PIGN: variants seen among roughly 807,000 people sequenced by gnomAD.
PIGN encodes GPI ethanolamine phosphate transferase 1.
PIGN carries 117 observed loss-of-function variants against 125.4 expected under a neutral mutation model. That is an observed-to-expected ratio of 0.93 (90% CI 0.80 to 1.09). The LOEUF (loss-of-function observed/expected upper bound fraction) is 1.09. Ranked by LOEUF, PIGN falls within the 50% of genes least tolerant of loss-of-function variation. PIGN has a pLI of 0.00. For synonymous variants in PIGN, 392 were observed against 377.8 expected (o/e 1.04, Z -0.44); for missense variants, 1,075 against 1,094.9 (o/e 0.98, Z 0.26).
chr18:62,106,945 A>G (rs756381898), intron 18 of PIGN, 41 bp downstream of exon 18: 24 of 1,534,734 alleles, frequency 1.6e-5, no homozygotes, highest in Non-Finnish European at 2.0e-5. Context: ...ACAAATATAT[A>G]AAAGAAATTT....
chr18:62,146,113 G>C (rs2036320001), intron 9 of PIGN, 88 bp from the exon 10 acceptor site: 1 of 584,488 alleles, frequency 1.7e-6, no homozygotes, highest in Non-Finnish European at 2.9e-6. Context: ...GTTTTAAAGA[G>C]TTGATCCATA....
chr18:62,102,734 CCATAAGACA>C, intron 21 of PIGN, 51 bp downstream of exon 21: 1 of 751,170 alleles, frequency 1.3e-6, no homozygotes, highest in Non-Finnish European at 2.1e-6. Flanking sequence ...TTAAATATAA[CCATAAGACA>C]CATTTCAGTA....
At chr18:62,037,779 G>A (rs2030279983), downstream of PIGN, among the ~76,000 whole-genome samples, 1 of 152,154 alleles carries the variant, frequency 6.6e-6, no homozygotes, top group Admixed American at 6.5e-5. Flanking sequence ...CCAAACTTGA[G>A]TAGAGCCTAA....
chr18:62,167,314 G>T (rs1350017308), intron 1 of PIGN, among the ~76,000 whole-genome samples: 2 of 43,064 alleles, frequency 4.6e-5, no homozygotes, highest in African/African-American at 8.3e-5. Context: ...GTGTGTGTGT[G>T]TGTGTGTGTG....
chr18:62,125,143 T>A (rs1014178341), intron 14 of PIGN, among the ~76,000 whole-genome samples: 1 of 50,276 alleles, frequency 2.0e-5, no homozygotes, highest in African/African-American at 6.4e-5. Flanking sequence ...CGTTTGTACA[T>A]ATGTGTATAT....
downstream of PIGN, among the ~76,000 whole-genome samples, chr18:62,038,516 T>C (rs1568105791): frequency 6.6e-6 from 1 of 152,016 alleles, no homozygotes; most frequent in Non-Finnish European, 1.5e-5. Context: ...GTGAGAAGGG[T>C]CATAAAAAAT....
intron 1 of PIGN, among the ~76,000 whole-genome samples, chr18:62,168,806 A>G (rs979822678): frequency 1.3e-5 from 2 of 151,856 alleles, no homozygotes; most frequent in Non-Finnish European, 1.5e-5. Flanking sequence ...AAGTTTTCTT[A>G]TGAGTCTTTG....
At chr18:62,054,220 C>G (rs2031545260) in intron 30 of PIGN, among the ~76,000 whole-genome samples, 1 of 151,922 alleles carries the variant, frequency 6.6e-6, no homozygotes, top group South Asian at 2.1e-4. Context: ...CAAAAATTAA[C>G]TAAAATGGAT....
chr18:62,121,528 T>G (rs1451007491), intron 14 of PIGN, among the ~76,000 whole-genome samples: 3 of 152,174 alleles, frequency 2.0e-5, no homozygotes, highest in Admixed American at 1.3e-4. Flanking sequence ...GGGCACAACC[T>G]TTTGCAGGGA....
At chr18:62,054,409 A>G (rs1160027336) in intron 30 of PIGN, among the ~76,000 whole-genome samples, 1 of 150,934 alleles carries the variant, frequency 6.6e-6, no homozygotes, top group African/African-American at 2.4e-5. Flanking sequence ...GGGCCCTGTT[A>G]AGAGGGTAAA....
intron 4 of PIGN, 148 bp downstream of exon 4, chr18:62,160,985 T>TA (rs1158155617): frequency 3.5e-6 from 2 of 563,816 alleles, no homozygotes; most frequent in Admixed American, 6.1e-5. Context: ...TGCTGACCCA[T>TA]AAGACAAAGG....
chr18:62,068,645 A>C (rs187795467), intron 30 of PIGN, among the ~76,000 whole-genome samples: 1 of 152,200 alleles, frequency 6.6e-6, no homozygotes, highest in East Asian at 1.9e-4. Flanking sequence ...TTATGTTTTC[A>C]CTTACACTCT....
At chr18:62,057,507 T>G (rs1020766015) in intron 30 of PIGN, among the ~76,000 whole-genome samples, 2 of 152,222 alleles carry the variant, frequency 1.3e-5, no homozygotes, top group African/African-American at 4.8e-5. Context: ...TAGCCTAAAC[T>G]GCCATCATCT....
rs2144927983 is a variant in PIGN at position 62,041,615 on chromosome 18, A to G, written c.*4241T>C. On this transcript the variant is annotated 3_prime_UTR_variant, in exon 31 of 31. Coordinates refer to ENST00000640252, the MANE Select transcript of PIGN (RefSeq NM_176787.5). ...TGCCTCAGGCTCCTGAGTAGCAAGG[A>G]TTACAGGAGCCTACCACCCCGCCGG... 1 of 145,106 alleles carries G rather than the reference A, an allele frequency of 6.9e-6. No homozygotes were observed. Among genetic ancestry groups the G allele is most frequent in the Admixed American group, 7.0e-5 (1 of 14,384 alleles). The allele number at this position is 145,106 out of a possible 1,614,324, so 9.0% of individuals were successfully genotyped here.
rs2030383322 is a variant in PIGN at position 62,041,647 on chromosome 18, GTGT to G, written c.*4206_*4208del. 1.0e-5 allele frequency: 1 copy of G among 98,736 alleles called. No individual in the cohort carries two copies. The highest frequency in any genetic ancestry group is 3.9e-5 in the African/African-American group (1 of 25,560). The allele number at this position is 98,736 out of a possible 1,614,324, so 6.1% of individuals were successfully genotyped here. ...GAGCCTACCACCCCGCCGGGTGTGTGTGTGTGTGTGTGTGTGTGTGTGTGTGTG... is the reference window on the plus strand; with the variant it reads ...GAGCCTACCACCCCGCCGGGTGTGTGGTGTGTGTGTGTGTGTGTGTGTGTG... On this transcript the variant is annotated 3_prime_UTR_variant, in exon 31 of 31. Transcript: ENST00000640252.
intron 30 of PIGN, among the ~76,000 whole-genome samples, chr18:62,049,252 G>C (rs2031033961): frequency 6.6e-6 from 1 of 152,134 alleles, no homozygotes; most frequent in Admixed American, 6.6e-5. Context: ...GGTACTTCTA[G>C]TTCTAGATCC....
chr18:62,055,326 C>T (rs1188957723), intron 30 of PIGN, among the ~76,000 whole-genome samples: 2 of 152,060 alleles, frequency 1.3e-5, no homozygotes, highest in African/African-American at 4.8e-5. Context: ...TAAGAAGTAA[C>T]GAACTACTGA....
rs764308937 is a variant in PIGN, at chr18:62,101,104, A to G, written c.2048T>C (p.Met683Thr). 1.7e-5 allele frequency: 28 copies of G among 1,609,684 alleles called. No individual in the cohort carries two copies. The South Asian group carries it at 3.1e-4, about 18-fold the overall frequency. Residue 683 changes from methionine to threonine, a missense_variant, in exon 22 of 31, where the codon ATG becomes ACG. Transcript: ENST00000640252. ...TGTTGCCCAGCTAATAATTTGATTC[A>G]TGAGAGGCAGTCCTTGCTTCCTGAG... Reference protein sequence around the residue: ...SLLRKQGLPLMNQIISWATLA... With the variant: ...SLLRKQGLPLTNQIISWATLA...
chr18:62,106,976 A>C lies in PIGN; in HGVS notation c.1674+10T>G. On this transcript the variant is annotated intron_variant, in intron 18 of 30. Transcript: ENST00000640252. ...AATTTGCAAATGTTGTAATCTGGTA[A>C]GTTACTTACTAATACTTCAATTCCC... is the stretch of plus-strand genomic sequence containing the variant. 6.4e-7 allele frequency: 1 copy of C among 1,558,406 alleles called. No individual in the cohort carries two copies. The highest frequency in any genetic ancestry group is 8.7e-7 in the Non-Finnish European group (1 of 1,145,252).
Sources: gnomAD v4.1 joint callset for allele counts (sites outside exome capture counted in the v4.1 genomes callset) on GRCh38, gnomAD v4.1.1 for gene constraint, MANE v1.5 for transcripts, NCBI Gene and HGNC (gene_info 2026-07-23, HGNC 2026-07-21) for gene names.